Variants in PTGER3 observed in about 807,000 individuals in gnomAD.
PTGER3 encodes the protein prostaglandin E2 receptor EP3 subtype.
In PTGER3, 22 loss-of-function variants were observed where a neutral mutation model predicts 34.7. The observed-to-expected ratio is 0.63, with a 90% CI of 0.45 to 0.91. The LOEUF (loss-of-function observed/expected upper bound fraction) is 0.91. Ranked by LOEUF, PTGER3 falls within the 40% of genes least tolerant of loss-of-function variation. PTGER3 has a pLI of 0.00. For missense variants in PTGER3, 468 were observed against 519.4 expected, an observed-to-expected ratio of 0.90 and a Z score of 0.96; for synonymous variants, 241 against 230.1, an observed-to-expected ratio of 1.05 and a Z score of -0.43.
intron 4 of PTGER3, among the ~76,000 whole-genome samples, chr1:70,922,721 A>C (rs1478175621): frequency 6.6e-6 from 1 of 152,252 alleles, no homozygotes; most frequent in African/African-American, 2.4e-5. Flanking sequence ...TAAAGAAAGT[A>C]AAATGTGTTT....
chr1:70,862,464 G>C, intron 4 of PTGER3: 1 of 987,020 alleles, frequency 1.0e-6, no homozygotes, highest in Non-Finnish European at 1.5e-6. Flanking sequence ...TTGAAGTGAA[G>C]TGAATGGATA....
intron 1 of PTGER3, among the ~76,000 whole-genome samples, chr1:71,045,376 G>C (rs1660673926): frequency 6.6e-6 from 1 of 151,830 alleles, no homozygotes; most frequent in Non-Finnish European, 1.5e-5. Flanking sequence ...AATTAGGAAA[G>C]AAAAAAAACT....
At chr1:70,865,968 T>A in intron 4 of PTGER3, 1 of 434,900 alleles carries the variant, frequency 2.3e-6, no homozygotes, top group Non-Finnish European at 3.9e-6. Flanking sequence ...TTCTTCAAAG[T>A]TCAACTCAAG....
chr1:70,989,791 G>C (rs1006609233), intron 2 of PTGER3, among the ~76,000 whole-genome samples: 1 of 152,066 alleles, frequency 6.6e-6, no homozygotes, highest in Admixed American at 6.5e-5. Flanking sequence ...TGATAGTATT[G>C]GCCAGTTATC....
rs375420556 is a variant in PTGER3 at position 70,974,392 on chromosome 1, T to C, written c.1078-4A>G. 1.1e-5 allele frequency: 11 copies of C among 962,708 alleles called. No individual in the cohort carries two copies. The highest frequency in any genetic ancestry group is 1.9e-5 in the Non-Finnish European group (11 of 585,168). 59.6% of individuals were successfully genotyped at this position (962,708 alleles called of 1,614,324 possible). Reference sequence around the variant, plus strand: ...AGTTGTTTGTGTGGTACCTGATCTGTGAACAGACAGAGGATTTCACAGGAC... The same window carrying C: ...AGTTGTTTGTGTGGTACCTGATCTGCGAACAGACAGAGGATTTCACAGGAC... On this transcript the variant is annotated splice_polypyrimidine_tract_variant and splice_region_variant and intron_variant, in intron 2 of 3. Coordinates refer to ENST00000306666, the MANE Select transcript of PTGER3 (RefSeq NM_198719.2).
chr1:71,032,622 G>A (rs551393883), intron 1 of PTGER3, among the ~76,000 whole-genome samples: 1 of 152,294 alleles, frequency 6.6e-6, no homozygotes, highest in South Asian at 2.1e-4. Context: ...ATAGCAAGAA[G>A]CTGAAGTTAG....
chr1:70,884,521 C>T (rs1395920209), intron 4 of PTGER3, among the ~76,000 whole-genome samples: 1 of 152,180 alleles, frequency 6.6e-6, no homozygotes, highest in Non-Finnish European at 1.5e-5. Context: ...TCACCACTTT[C>T]CTGCTGACCT....
chr1:71,006,702 A>T (rs568575147), intron 2 of PTGER3: 1 of 985,024 alleles, frequency 1.0e-6, no homozygotes, highest in African/African-American at 1.7e-5. Flanking sequence ...ATATAAAACA[A>T]AATGATCTAA....
chr1:71,020,365 G>T (rs1206153559), intron 1 of PTGER3, among the ~76,000 whole-genome samples: 6 of 152,054 alleles, frequency 3.9e-5, no homozygotes, highest in African/African-American at 1.4e-4. Flanking sequence ...AAATTATATT[G>T]CTAGTTTTGC....
intron 4 of PTGER3, among the ~76,000 whole-genome samples, chr1:70,917,734 T>C (rs950703777): frequency 2.6e-5 from 4 of 152,022 alleles, no homozygotes; most frequent in Non-Finnish European, 5.9e-5. Context: ...TTTTTGATAA[T>C]AGCCATTCTA....
intron 1 of PTGER3, among the ~76,000 whole-genome samples, chr1:71,017,886 T>C (rs1465496982): frequency 6.6e-6 from 1 of 152,180 alleles, no homozygotes. Flanking sequence ...TGCCTCAGAC[T>C]CCCAAGTAGC....
intron 2 of PTGER3, among the ~76,000 whole-genome samples, chr1:70,986,873 C>T (rs772690263): frequency 7.2e-5 from 11 of 152,104 alleles, no homozygotes; most frequent in Middle Eastern, 3.2e-3. Flanking sequence ...TATCTTCAAC[C>T]GCAAGATCAA....
intron 1 of PTGER3, among the ~76,000 whole-genome samples, chr1:71,032,893 T>C (rs1398549852): frequency 6.6e-6 from 1 of 152,128 alleles, no homozygotes; most frequent in African/African-American, 2.4e-5. Context: ...GAAAGAACAA[T>C]GACAACAAAA....
At chr1:71,003,374 TAGG>T (rs1344723719) in intron 2 of PTGER3, among the ~76,000 whole-genome samples, 2 of 152,336 alleles carry the variant, frequency 1.3e-5, no homozygotes, top group East Asian at 3.9e-4. Flanking sequence ...TGCTTGTGTA[TAGG>T]AGATTACATT....
At chr1:71,028,115 A>G (rs898529202) in intron 1 of PTGER3, among the ~76,000 whole-genome samples, 4 of 152,172 alleles carry the variant, frequency 2.6e-5, no homozygotes, top group South Asian at 2.1e-4. Context: ...TCATGGACAT[A>G]GTTATTTTCA....
intron 1 of PTGER3, among the ~76,000 whole-genome samples, chr1:71,026,101 G>C (rs1230160416): frequency 1.3e-5 from 2 of 152,084 alleles, no homozygotes; most frequent in African/African-American, 2.4e-5. Context: ...GGTTAGGCTT[G>C]TACTCAGTAT....
chr1:70,926,315 T>A (rs1329918129), intron 4 of PTGER3, among the ~76,000 whole-genome samples: 1 of 152,240 alleles, frequency 6.6e-6, no homozygotes, highest in Non-Finnish European at 1.5e-5. Context: ...CCCATGAGCA[T>A]GGAATGTTCT....
chr1:70,922,477 C>A (rs1332987540), intron 4 of PTGER3, among the ~76,000 whole-genome samples: 1 of 152,134 alleles, frequency 6.6e-6, no homozygotes, highest in Non-Finnish European at 1.5e-5. Flanking sequence ...AATTTCCTTG[C>A]TTTACAGCTA....
At chr1:70,915,098 G>T (rs1308583318) in intron 4 of PTGER3, among the ~76,000 whole-genome samples, 1 of 151,852 alleles carries the variant, frequency 6.6e-6, no homozygotes. Context: ...CATCTCATAA[G>T]CTTGGCATGA....
Sources: gnomAD v4.1 joint callset for allele counts (sites outside exome capture counted in the v4.1 genomes callset) on GRCh38, gnomAD v4.1.1 for gene constraint, MANE v1.5 for transcripts, NCBI Gene and HGNC (gene_info 2026-07-23, HGNC 2026-07-21) for gene names.